Variants in DNM2 observed in about 807,000 individuals in gnomAD.
DNM2 encodes the protein dynamin-2.
Under a neutral mutation model 99.0 loss-of-function variants are expected in DNM2, and 15 were observed. The ratio of observed to expected loss-of-function variants is 0.15; its 90% CI spans 0.10 to 0.23. The LOEUF (loss-of-function observed/expected upper bound fraction) is 0.23, where lower values mean the gene tolerates loss of function less well. Among genes scored for constraint, DNM2 ranks in the 10% least tolerant of loss-of-function variants. DNM2 has a pLI of 1.00. For synonymous variants in DNM2, 525 were observed against 481.2 expected (o/e 1.09, Z -1.19); for missense variants, 742 against 1,189.4 (o/e 0.62, Z 5.53).
At chr19:10,771,287 C>T (rs939177518) in intron 2 of DNM2, among the ~76,000 whole-genome samples, 7 of 152,204 alleles carry the variant, frequency 4.6e-5, no homozygotes, top group African/African-American at 1.2e-4. Context: ...ATCTGTGATT[C>T]GGGACTGGAT....
chr19:10,767,789 CCAGTTACTTGGGAGGCCGA>C, intron 2 of DNM2, among the ~76,000 whole-genome samples: 1 of 152,242 alleles, frequency 6.6e-6, no homozygotes, highest in Non-Finnish European at 1.5e-5. Context: ...GCCTATAATC[CCAGTTACTTGGGAGGCCGA>C]AGTATGAGAA....
At chr19:10,790,187 G>A (rs2071702151) in intron 7 of DNM2, among the ~76,000 whole-genome samples, 1 of 152,200 alleles carries the variant, frequency 6.6e-6, no homozygotes, top group Non-Finnish European at 1.5e-5. Context: ...TTCTGCACTT[G>A]GCTTTTCTCT....
In DNM2 at chr19:10,812,380, G is replaced by A. The variant is rs942932745; in HGVS notation, c.1671+3G>A. 3.1e-6 allele frequency: 5 copies of A among 1,602,872 alleles called. No individual in the cohort carries two copies. In the African/African-American group the frequency reaches 4.0e-5, roughly 13 times the overall value. ...TGTCCTGGTACAAGGATGAGGAGGT[G>A]AGTGGCAGGCGGGAGCAGGGCTGCT... On this transcript the variant is annotated splice_donor_region_variant and intron_variant, in intron 15 of 20. Coordinates refer to ENST00000389253, the MANE Select transcript of DNM2 (RefSeq NM_001005361.3). The surrounding 1 kb of genome is among the most constrained non-coding windows in gnomAD (Gnocchi z 4.0).
At position 10,812,155 on chromosome 19, in the gene DNM2, C is replaced by T. The variant is rs565600069; in HGVS notation, c.1558-109C>T. The T allele has an allele frequency of 2.9e-4, 256 of 893,070 alleles. 1 individual carries two copies. The South Asian group carries it at 3.5e-3, about 12-fold the overall frequency. The allele number at this position is 893,070 out of a possible 1,614,324, so 55.3% of individuals were successfully genotyped here. A position where few individuals can be genotyped will look rare whatever the true frequency, so the allele number is the denominator to read the frequency against. Reference sequence around the variant, plus strand: ...TCCTGGGCTTTGGGGCTGGAGGTGTCTCTATTGCGGTCCCTGGCTTCCCAC... The same window carrying T: ...TCCTGGGCTTTGGGGCTGGAGGTGTTTCTATTGCGGTCCCTGGCTTCCCAC... On this transcript the variant is annotated intron_variant, in intron 14 of 20. Transcript: ENST00000389253. The surrounding 1 kb of genome is among the most constrained non-coding windows in gnomAD (Gnocchi z 4.0).
chr19:10,825,278 T>G, intron 18 of DNM2, 57 bp downstream of exon 18: 1 of 1,604,820 alleles, frequency 6.2e-7, no homozygotes, highest in Non-Finnish European at 8.5e-7. Context: ...CTCACGCCTG[T>G]AATCCCAGCA....
rs1413738274 is a variant in DNM2 at position 10,816,575 on chromosome 19, G to A, written c.1672-3405G>A. 3.3e-5 allele frequency among the ~76,000 whole-genome samples: 5 copies of A among 152,098 alleles called. No individual in the cohort carries two copies. Among genetic ancestry groups the A allele is most frequent in the Admixed American group, 6.5e-5 (1 of 15,272 alleles). ...TGGCTCCTCAAAATGGCTGGGGTGG[G>A]GTAGGGTGCCCTTTCTCTTTTTCTC... On this transcript the variant is annotated intron_variant, in intron 15 of 20. Coordinates refer to ENST00000389253, the MANE Select transcript of DNM2 (RefSeq NM_001005361.3). This position sits in a 1 kb window ranked among gnomAD's most constrained non-coding sequence, Gnocchi z 4.6.
chr19:10,776,810 C>T (rs1021375724), intron 4 of DNM2, among the ~76,000 whole-genome samples: 13 of 152,218 alleles, frequency 8.5e-5, no homozygotes, highest in Admixed American at 3.3e-4. Flanking sequence ...ATCATGTTTA[C>T]GTGAGGTTTC....
At position 10,812,779 on chromosome 19, in the gene DNM2, T is replaced by A. The variant is rs1313813264; in HGVS notation, c.1671+402T>A. Among the ~76,000 whole-genome samples, 2 of 152,154 alleles carry A rather than the reference T, an allele frequency of 1.3e-5. No homozygotes were observed. The highest frequency in any genetic ancestry group is 4.8e-5 in the African/African-American group (2 of 41,506). ...TCCAGCCTGGGCGAGAGAGCGAGAC[T>A]CCATCTCAAAATAAACAAACAAACA... On this transcript the variant is annotated intron_variant, in intron 15 of 20. Coordinates refer to ENST00000389253, the MANE Select transcript of DNM2 (RefSeq NM_001005361.3). The surrounding 1 kb of genome is among the most constrained non-coding windows in gnomAD (Gnocchi z 4.0).
rs568175136 is a variant in DNM2 at position 10,830,801 on chromosome 19, C to G, written c.2544-177C>G. Among the ~76,000 whole-genome samples, 1 of 152,068 alleles carries G rather than the reference C, an allele frequency of 6.6e-6. No individual in the cohort carries two copies. Among genetic ancestry groups the G allele is most frequent in the Non-Finnish European group, 1.5e-5 (1 of 67,986 alleles). On this transcript the variant is annotated intron_variant, in intron 20 of 20. Transcript: ENST00000389253. This position sits in a 1 kb window ranked among gnomAD's most constrained non-coding sequence, Gnocchi z 4.8. ...GGCTCACTGAGGGTCAAACAGCAGG[C>G]GAGTTGATGCCTAGGTTTGGCACTC...
At chr19:10,797,017 G>A (rs2071958980) in intron 9 of DNM2, among the ~76,000 whole-genome samples, 1 of 152,096 alleles carries the variant, frequency 6.6e-6, no homozygotes. Context: ...TGCTGCTTAA[G>A]CTTCTTCGAT....
intron 1 of DNM2, among the ~76,000 whole-genome samples, chr19:10,726,240 T>C (rs1023402430): frequency 6.6e-6 from 1 of 151,676 alleles, no homozygotes; most frequent in Non-Finnish European, 1.5e-5. Flanking sequence ...ATTTTTTTTT[T>C]TTTAGAGACA....
rs1213386129 is a variant in DNM2, at chr19:10,718,311, C to A, written c.69C>A (p.Ile23=). The change falls in exon 1 of 21, where the codon ATC becomes ATA. Residue 23 remains isoleucine (I), a synonymous_variant. Transcript: ENST00000389253. The stretch of plus-strand genomic sequence containing the variant: ...AACTGCAGGACGCCTTCAGCTCCAT[C>A]GGCCAGAGCTGCCACCTGGACCTGC... ...VNKLQDAFSS[I]GQSCHLDLPQ... is the part of the protein sequence containing the mutation. The A allele has an allele frequency of 6.6e-7, 1 of 1,511,500 alleles. No homozygotes were observed. The highest frequency in any genetic ancestry group is 8.8e-7 in the Non-Finnish European group (1 of 1,131,176). 93.6% of individuals were successfully genotyped at this position (1,511,500 alleles called of 1,614,324 possible). A position where few individuals can be genotyped will look rare whatever the true frequency, so the allele number is the denominator to read the frequency against.
At chr19:10,751,315 G>T (rs138075165) in intron 1 of DNM2, among the ~76,000 whole-genome samples, 1 of 152,298 alleles carries the variant, frequency 6.6e-6, no homozygotes, top group East Asian at 1.9e-4. Context: ...ATGCAGGGCA[G>T]CCTGGGTGCA....
intron 7 of DNM2, among the ~76,000 whole-genome samples, chr19:10,788,303 C>T (rs1394057892): frequency 2.0e-5 from 3 of 150,644 alleles, no homozygotes; most frequent in Non-Finnish European, 4.4e-5. Flanking sequence ...GGGCAGGAGC[C>T]GTGTGGGATT....
chr19:10,719,524 CTG>C (rs2068868133), intron 1 of DNM2, among the ~76,000 whole-genome samples: 1 of 152,114 alleles, frequency 6.6e-6, no homozygotes, highest in Non-Finnish European at 1.5e-5. Context: ...ACTCCACTCT[CTG>C]GGGCTGTTTC....
chr19:10,744,030 C>T (rs1020959733), intron 1 of DNM2, among the ~76,000 whole-genome samples: 7 of 150,574 alleles, frequency 4.6e-5, no homozygotes, highest in Non-Finnish European at 8.9e-5. Flanking sequence ...TGGTAGCATA[C>T]GCCCGTAGTC....
intron 12 of DNM2, 116 bp downstream of exon 12, chr19:10,802,474 G>A: frequency 5.8e-6 from 7 of 1,205,516 alleles, no homozygotes; most frequent in Non-Finnish European, 7.3e-6. Flanking sequence ...CTCTGTCGGG[G>A]GTCCTGGGGT....
At chr19:10,730,550 A>T (rs1446395870) in intron 1 of DNM2, among the ~76,000 whole-genome samples, 1 of 151,992 alleles carries the variant, frequency 6.6e-6, no homozygotes, top group African/African-American at 2.4e-5. Flanking sequence ...GACCAGGCAG[A>T]GGACAGCCCT....
At position 10,779,502 on chromosome 19, in the gene DNM2, C is replaced by CTTTTTTT. The variant is rs55819116; in HGVS notation, c.688+2305_688+2311dup. ...TCTTTCTTTCTTTCTTTCTTTCTTT[C>CTTTTTTT]TTTTTTTTTTTTTTTTTTTTTTTTT... On this transcript the variant is annotated intron_variant, in intron 5 of 20. Coordinates refer to ENST00000389253, the MANE Select transcript of DNM2 (RefSeq NM_001005361.3). 1.2e-3 allele frequency among the ~76,000 whole-genome samples: 36 copies of CTTTTTTT among 29,622 alleles called. 2 individuals are homozygous for CTTTTTTT. The highest frequency in any genetic ancestry group is 3.4e-3 in the East Asian group (3 of 882). 19.4% of individuals were successfully genotyped at this position (29,622 alleles called of 152,430 possible).
Sources: gnomAD v4.1 joint callset for allele counts (sites outside exome capture counted in the v4.1 genomes callset) on GRCh38, gnomAD v4.1.1 for gene constraint, Gnocchi (gnomAD v3.1) non-coding constraint, MANE v1.5 for transcripts, NCBI Gene and HGNC (gene_info 2026-07-23, HGNC 2026-07-21) for gene names.